CDH4: variants seen among roughly 807,000 people sequenced by gnomAD.
The protein encoded by CDH4 is cadherin-4.
CDH4 carries 33 observed loss-of-function variants against 86.0 expected under a neutral mutation model. That is an observed-to-expected ratio of 0.38 (90% CI 0.29 to 0.51). The LOEUF (loss-of-function observed/expected upper bound fraction) is 0.51, where lower values mean the gene tolerates loss of function less well. Ranked by LOEUF, CDH4 falls within the 20% of genes least tolerant of loss-of-function variation. The probability of loss-of-function intolerance (pLI) is 0.86; values close to 1 mark genes in which losing one functional copy is unlikely to be tolerated. For synonymous variants in CDH4, 555 were observed against 549.4 expected, an observed-to-expected ratio of 1.01 and a Z score of -0.14; for missense variants, 1,114 against 1,307.4, an observed-to-expected ratio of 0.85 and a Z score of 2.28.
At chr20:61,852,974 G>A in intron 6 of CDH4, 76 bp downstream of exon 6, 3 of 1,471,740 alleles carry the variant, frequency 2.0e-6, no homozygotes, top group Non-Finnish European at 2.8e-6. Flanking sequence ...GGGCAGGGGA[G>A]GGCTGCTTAG....
intron 2 of CDH4, among the ~76,000 whole-genome samples, chr20:61,375,751 A>ATGGTAGTG: frequency 3.8e-5 from 1 of 26,450 alleles, no homozygotes; most frequent in Non-Finnish European, 8.4e-5. Flanking sequence ...GGTGGTGGTG[A>ATGGTAGTG]TGATGGTGGT....
intron 2 of CDH4, among the ~76,000 whole-genome samples, chr20:61,345,901 C>T (rs1306839019): frequency 6.6e-6 from 1 of 152,178 alleles, no homozygotes; most frequent in African/African-American, 2.4e-5. Context: ...GTCAGCTCTG[C>T]GTCTTCTATT....
chr20:61,872,602 TCTC>T, intron 6 of CDH4, among the ~76,000 whole-genome samples: 1 of 152,086 alleles, frequency 6.6e-6, no homozygotes, highest in South Asian at 2.1e-4. Context: ...CACCAGCAGC[TCTC>T]CTCTGTGCAT....
intron 9 of CDH4, among the ~76,000 whole-genome samples, chr20:61,915,579 C>T (rs73917135): frequency 0.019 from 2,927 of 152,316 alleles, 87 homozygotes; most frequent in African/African-American, 0.065. Flanking sequence ...AAGGAACAAA[C>T]GGGAGATCCA....
intron 2 of CDH4, among the ~76,000 whole-genome samples, chr20:61,528,462 AGGGAGGG>A (rs2085928300): frequency 1.8e-4 from 3 of 16,224 alleles, no homozygotes; most frequent in Non-Finnish European, 2.6e-4. Flanking sequence ...GGAGGGGGAG[AGGGAGGG>A]GGAGGGGGAG....
chr20:61,565,284 G>GC lies in CDH4; in HGVS notation c.170-178279_170-178278insC, dbSNP rs1343566629. 4.1e-5 allele frequency among the ~76,000 whole-genome samples: 4 copies of GC among 97,782 alleles called. 1 individual carries two copies. Among genetic ancestry groups the GC allele is most frequent in the Non-Finnish European group, 8.5e-5 (4 of 46,906 alleles). The allele number at this position is 97,782 out of a possible 152,430, so 64.1% of individuals were successfully genotyped here. A position where few individuals can be genotyped will look rare whatever the true frequency, so the allele number is the denominator to read the frequency against. ...GGTGGTGGTGGTCCTCTTGGTGATG[G>GC]GGTGATGGTGGTGGCGGTGCTCTTG... On this transcript the variant is annotated intron_variant, in intron 2 of 15. Transcript: ENST00000614565.
At chr20:61,859,442 C>T (rs1297028262) in intron 6 of CDH4, among the ~76,000 whole-genome samples, 1 of 152,220 alleles carries the variant, frequency 6.6e-6, no homozygotes, top group Admixed American at 6.5e-5. Context: ...GAGCAGGCTT[C>T]AGCATCAAGT....
In CDH4 at chr20:61,807,469, A is replaced by G. The variant is rs1980198198; in HGVS notation, c.576+34287A>G. ...TTCAAGTTCAATGTGTTGGATTTGG[A>G]AATCTCCCTCCTCTTTCTACTCCAT... On this transcript the variant is annotated intron_variant, in intron 4 of 15. Transcript: ENST00000614565. This position sits in a 1 kb window ranked among gnomAD's most constrained non-coding sequence, Gnocchi z 4.5. Among the ~76,000 whole-genome samples the G allele has an allele frequency of 6.6e-6, 1 of 152,156 alleles. No homozygotes were observed. The highest frequency in any genetic ancestry group is 1.5e-5 in the Non-Finnish European group (1 of 68,020).
chr20:61,921,070 G>A lies in CDH4; in HGVS notation c.1375-2381G>A, dbSNP rs188188345. 5.7e-3 allele frequency among the ~76,000 whole-genome samples: 856 copies of A among 150,118 alleles called. 4 individuals are homozygous for A. The highest frequency in any genetic ancestry group is 7.7e-3 in the Non-Finnish European group (523 of 67,514). On this transcript the variant is annotated intron_variant, in intron 9 of 15. Transcript: ENST00000614565. ...GGTGATTGCGTGGAAGCGTGGTGTC[G>A]TGATTGCATGGAAGCATTGTGTCAC...
chr20:61,865,769 A>G (rs757509331), intron 6 of CDH4, among the ~76,000 whole-genome samples: 1 of 149,938 alleles, frequency 6.7e-6, no homozygotes, highest in Non-Finnish European at 1.5e-5. Flanking sequence ...TGGTTAGTGT[A>G]TGTAATGGGT....
intron 1 of CDH4, among the ~76,000 whole-genome samples, chr20:61,254,527 C>CGTCT (rs1294317079): frequency 2.6e-5 from 4 of 152,176 alleles, no homozygotes; most frequent in Non-Finnish European, 5.9e-5. Flanking sequence ...ATTTCTCAGG[C>CGTCT]GTCTCCTCTG....
chr20:61,434,392 C>T (rs1478497411), intron 2 of CDH4, among the ~76,000 whole-genome samples: 1 of 152,186 alleles, frequency 6.6e-6, no homozygotes, highest in Non-Finnish European at 1.5e-5. Flanking sequence ...GAGTTAAAGA[C>T]GTCTCAAGGG....
intron 2 of CDH4, among the ~76,000 whole-genome samples, chr20:61,432,920 C>T (rs1319494651): frequency 6.7e-6 from 1 of 149,408 alleles, no homozygotes; most frequent in Non-Finnish European, 1.5e-5. Context: ...ATCACTGCAG[C>T]CTCTGCCTCC....
chr20:61,511,116 A>G (rs2085776399), intron 2 of CDH4, among the ~76,000 whole-genome samples: 1 of 152,250 alleles, frequency 6.6e-6, no homozygotes. Flanking sequence ...TCCATTTAAC[A>G]TGAGATTTGC....
intron 2 of CDH4, among the ~76,000 whole-genome samples, chr20:61,740,017 C>T (rs79745337): frequency 0.025 from 3,838 of 152,232 alleles, 145 homozygotes; most frequent in African/African-American, 0.087. Flanking sequence ...TTTCTGTTGT[C>T]CTCCTGGAAT....
At chr20:61,538,314 A>G (rs537772243) in intron 2 of CDH4, among the ~76,000 whole-genome samples, 5 of 152,128 alleles carry the variant, frequency 3.3e-5, no homozygotes, top group Non-Finnish European at 7.4e-5. Flanking sequence ...GACACCTGCC[A>G]TCTCCCCTCC....
In CDH4 at chr20:61,933,134, C is replaced by A. The variant is rs748162319; in HGVS notation, c.2379+10C>A. On this transcript the variant is annotated intron_variant, in intron 14 of 15. Coordinates refer to ENST00000614565, the MANE Select transcript of CDH4 (RefSeq NM_001794.5). The stretch of plus-strand genomic sequence containing the variant: ...TGGCGAGGAGGACCAGGTGAGACTG[C>A]GGCCCGCCCCCGCCTCCCCACGCGA... 1.9e-6 allele frequency: 3 copies of A among 1,609,838 alleles called. No individual in the cohort carries two copies. The highest frequency in any genetic ancestry group is 2.7e-5 in the African/African-American group (2 of 75,034).
chr20:61,695,271 G>A (rs1421606433), intron 2 of CDH4, among the ~76,000 whole-genome samples: 1 of 152,276 alleles, frequency 6.6e-6, no homozygotes, highest in Non-Finnish European at 1.5e-5. Context: ...TTACAGGCCA[G>A]TTGCCCGCAG....
intron 2 of CDH4, among the ~76,000 whole-genome samples, chr20:61,626,493 G>A (rs921904866): frequency 1.3e-5 from 2 of 152,108 alleles, no homozygotes; most frequent in African/African-American, 4.8e-5. Context: ...TGCGTTGTGG[G>A]GGGTGGGGGT....
Sources: gnomAD v4.1 joint callset for allele counts (sites outside exome capture counted in the v4.1 genomes callset) on GRCh38, gnomAD v4.1.1 for gene constraint, Gnocchi (gnomAD v3.1) non-coding constraint, MANE v1.5 for transcripts, NCBI Gene and HGNC (gene_info 2026-07-23, HGNC 2026-07-21) for gene names.